Variants in ARHGAP6 observed in about 807,000 individuals in gnomAD.
The protein encoded by ARHGAP6 is rho GTPase-activating protein 6.
In ARHGAP6, 16 loss-of-function variants were observed where a neutral mutation model predicts 55.7. The observed-to-expected ratio is 0.29, with a 90% CI of 0.19 to 0.44. The LOEUF (loss-of-function observed/expected upper bound fraction) is 0.44, where lower values mean the gene tolerates loss of function less well. Among genes scored for constraint, ARHGAP6 ranks in the 20% least tolerant of loss-of-function variants. The pLI is 1.00. For missense variants in ARHGAP6, 698 were observed against 808.9 expected (o/e 0.86, Z 1.66); for synonymous variants, 382 against 360.9 (o/e 1.06, Z -0.66).
chrX:11,304,868 TCAC>T (rs1418661925), intron 1 of ARHGAP6, among the ~76,000 whole-genome samples: 1 of 89,804 alleles, frequency 1.1e-5, no homozygotes, highest in Non-Finnish European at 2.1e-5. Context: ...TTCACTGCAA[TCAC>T]CACCTCCCAA....
At chrX:11,229,503 T>C (rs917439911) in intron 2 of ARHGAP6, among the ~76,000 whole-genome samples, 1 of 112,229 alleles carries the variant, frequency 8.9e-6, no homozygotes, top group Non-Finnish European at 1.9e-5. Flanking sequence ...GGGTGCTTTG[T>C]TTTTTAAGTT....
intron 1 of ARHGAP6, among the ~76,000 whole-genome samples, chrX:11,508,392 A>T (rs2050754106): frequency 9.0e-6 from 1 of 111,485 alleles, no homozygotes; most frequent in East Asian, 2.8e-4. Context: ...TTCATTATTT[A>T]TCTGAAATTC....
chrX:11,200,986 G>A (rs2046611424), intron 2 of ARHGAP6, among the ~76,000 whole-genome samples: 1 of 111,987 alleles, frequency 8.9e-6, no homozygotes, highest in Non-Finnish European at 1.9e-5. Context: ...GACTCTTCCG[G>A]GGTGCTGAGC....
chrX:11,493,185 T>C (rs2050589029), intron 1 of ARHGAP6, among the ~76,000 whole-genome samples: 2 of 112,385 alleles, frequency 1.8e-5, no homozygotes. Flanking sequence ...ATATAAAAAG[T>C]ATATCATACT....
chrX:11,534,194 G>A (rs12011115), intron 1 of ARHGAP6, among the ~76,000 whole-genome samples: 9,542 of 111,388 alleles, frequency 0.086, 460 homozygotes, highest in East Asian at 0.18. Context: ...GCTGCCTACC[G>A]CAATAGTGCT....
intron 1 of ARHGAP6, among the ~76,000 whole-genome samples, chrX:11,364,770 A>G (rs1212234179): frequency 9.0e-6 from 1 of 111,698 alleles, no homozygotes; most frequent in African/African-American, 3.3e-5. Flanking sequence ...AAAAGAAGAC[A>G]GGTGTTAGGC....
At chrX:11,148,587 A>C (rs1284501843) in intron 10 of ARHGAP6, 2 of 348,121 alleles carry the variant, frequency 5.7e-6, no homozygotes, top group Admixed American at 2.8e-5. Flanking sequence ...TCAGCTAACC[A>C]GACAAGCAAG....
intron 8 of ARHGAP6, among the ~76,000 whole-genome samples, chrX:11,174,621 T>TC (rs2046163911): frequency 3.3e-5 from 2 of 60,755 alleles, no homozygotes; most frequent in Non-Finnish European, 6.4e-5. Flanking sequence ...TCTTTCTCTT[T>TC]CTTTTCTTTC....
intron 1 of ARHGAP6, among the ~76,000 whole-genome samples, chrX:11,309,397 A>G (rs5979399): frequency 0.35 from 37,875 of 107,693 alleles, 6,023 homozygotes; most frequent in African/African-American, 0.58. Context: ...GGAGCCGGCC[A>G]GGCAGTCTCC....
rs779960946 is a variant in ARHGAP6, at chrX:11,591,906, T to C, written c.588+72335A>G. On this transcript the variant is annotated intron_variant, in intron 1 of 12. Coordinates refer to ENST00000337414, the MANE Select transcript of ARHGAP6 (RefSeq NM_013427.3). ...GTTTCTTGGGGGTAGGGAAATAGTA[T>C]GATTCATTTCCTGTTCTTTTTTTAC... Among the ~76,000 whole-genome samples, 3 of 112,247 alleles carry C rather than the reference T, an allele frequency of 2.7e-5. No homozygotes were observed. In the East Asian group the frequency reaches 8.3e-4, roughly 31 times the overall value.
chrX:11,355,663 C>T (rs146219487), intron 1 of ARHGAP6, among the ~76,000 whole-genome samples: 39 of 111,868 alleles, frequency 3.5e-4, no homozygotes, highest in African/African-American at 1.1e-3. Flanking sequence ...TCTGATTATC[C>T]ATTCTGAATG....
At chrX:11,630,634 T>C (rs1192575945) in intron 1 of ARHGAP6, among the ~76,000 whole-genome samples, 3 of 112,054 alleles carry the variant, frequency 2.7e-5, no homozygotes, top group African/African-American at 6.5e-5. Context: ...GATGGATGGA[T>C]GGATGGATGG....
intron 1 of ARHGAP6, among the ~76,000 whole-genome samples, chrX:11,514,838 GCACA>G (rs71928650): frequency 0.034 from 3,260 of 96,039 alleles, 50 homozygotes; most frequent in Non-Finnish European, 0.036. Flanking sequence ...TCTATGCATT[GCACA>G]CACACACACA....
chrX:11,319,755 C>T (rs1182514070), intron 1 of ARHGAP6, among the ~76,000 whole-genome samples: 1 of 112,225 alleles, frequency 8.9e-6, no homozygotes, highest in Non-Finnish European at 1.9e-5. Context: ...AATCGTGGTA[C>T]ATTTCTTGCT....
intron 1 of ARHGAP6, among the ~76,000 whole-genome samples, chrX:11,602,071 T>C (rs2051982356): frequency 9.0e-6 from 1 of 111,448 alleles, no homozygotes; most frequent in South Asian, 3.8e-4. Flanking sequence ...AAAAAAGAAC[T>C]AGGGATATTT....
intron 1 of ARHGAP6, among the ~76,000 whole-genome samples, chrX:11,450,080 G>A (rs2050129687): frequency 9.0e-6 from 1 of 111,695 alleles, no homozygotes; most frequent in Non-Finnish European, 1.9e-5. Flanking sequence ...AAGGCAGTTT[G>A]TTCTTGCTCC....
At chrX:11,645,876 ATGT>A (rs1305077892) in intron 1 of ARHGAP6, among the ~76,000 whole-genome samples, 2 of 112,068 alleles carry the variant, frequency 1.8e-5, no homozygotes, top group East Asian at 2.8e-4. Flanking sequence ...AAATTAAATG[ATGT>A]TGTTAATTAT....
At chrX:11,608,793 G>A (rs2052066760) in intron 1 of ARHGAP6, among the ~76,000 whole-genome samples, 1 of 111,716 alleles carries the variant, frequency 9.0e-6, no homozygotes, top group Admixed American at 9.4e-5. Context: ...TGCTCTTGCT[G>A]CTGCCATGTA....
intron 2 of ARHGAP6, among the ~76,000 whole-genome samples, chrX:11,243,338 C>T (rs183359591): frequency 4.0e-4 from 45 of 111,689 alleles, no homozygotes; most frequent in Admixed American, 1.1e-3. Flanking sequence ...GGAAATGAAC[C>T]CTTAGTTCAA....
Sources: allele counts gnomAD v4.1 joint callset (sites outside exome capture counted in the v4.1 genomes callset), GRCh38; gene constraint gnomAD v4.1.1; transcripts MANE v1.5; gene names NCBI Gene and HGNC (gene_info 2026-07-23, HGNC 2026-07-21).